Variants in DCTD observed in about 807,000 individuals in gnomAD.
DCTD encodes the protein dCMP deaminase.
DCTD carries 23 observed loss-of-function variants against 21.0 expected under a neutral mutation model. The observed-to-expected ratio is 1.09, with a 90% CI of 0.79 to 1.55. The LOEUF (loss-of-function observed/expected upper bound fraction) is 1.55. Among genes scored for constraint, DCTD ranks in the 40% most tolerant of loss-of-function variants. DCTD has a pLI of 0.00. For synonymous variants in DCTD, 71 were observed against 81.1 expected, an observed-to-expected ratio of 0.88 and a Z score of 0.67; for missense variants, 224 against 230.0, an observed-to-expected ratio of 0.97 and a Z score of 0.17.
At chr4:182,915,164 T>C (rs1028943980) in intron 2 of DCTD, 106 bp from the exon 3 acceptor site, 90 of 1,416,430 alleles carry the variant, frequency 6.4e-5, no homozygotes, top group Non-Finnish European at 8.5e-5. Context: ...AACAGACGCA[T>C]AGCTGCTGCA....
chr4:182,911,966 A>G (rs1737762126), intron 3 of DCTD, among the ~76,000 whole-genome samples: 1 of 152,136 alleles, frequency 6.6e-6, no homozygotes, highest in Admixed American at 6.6e-5. Context: ...GTTAAAAATC[A>G]TTGTCCAGAA....
chr4:182,906,113 C>T (rs1736674753), intron 3 of DCTD, among the ~76,000 whole-genome samples: 2 of 152,016 alleles, frequency 1.3e-5, no homozygotes, highest in African/African-American at 4.8e-5. Flanking sequence ...CCACTCTTGC[C>T]CCAGAACAAT....
chr4:182,900,028 T>G (rs1293070951), intron 3 of DCTD, among the ~76,000 whole-genome samples: 1 of 152,150 alleles, frequency 6.6e-6, no homozygotes, highest in Non-Finnish European at 1.5e-5. Context: ...AGGTTTCAGA[T>G]TTTGGGCCAG....
intron 2 of DCTD, 32 bp from the exon 3 acceptor site, chr4:182,915,090 C>A: frequency 6.2e-7 from 1 of 1,613,870 alleles, no homozygotes; most frequent in Non-Finnish European, 8.5e-7. Flanking sequence ...GGCTTGGTGC[C>A]TGCAACTGGC....
chr4:182,893,933 A>T (rs1734269348), intron 4 of DCTD, among the ~76,000 whole-genome samples: 1 of 152,276 alleles, frequency 6.6e-6, no homozygotes, highest in South Asian at 2.1e-4. Flanking sequence ...GACAAAGTGT[A>T]GCTGAATCTT....
At chr4:182,915,982 T>A in intron 1 of DCTD, 1 of 605,092 alleles carries the variant, frequency 1.7e-6, no homozygotes, top group Non-Finnish European at 2.1e-6. Flanking sequence ...TTTATACACA[T>A]CATGTCACTC....
intron 3 of DCTD, among the ~76,000 whole-genome samples, chr4:182,905,205 C>T (rs1036832264): frequency 6.6e-6 from 1 of 152,072 alleles, no homozygotes; most frequent in African/African-American, 2.4e-5. Context: ...TCCGCTGAAA[C>T]TGTACTTGGC....
chr4:182,891,367 C>G lies in DCTD; in HGVS notation c.*32G>C, dbSNP rs1473975520. On this transcript the variant is annotated 3_prime_UTR_variant, in exon 6 of 6. Coordinates refer to ENST00000438320, the MANE Select transcript of DCTD (RefSeq NM_001921.3). Reference sequence around the variant, plus strand: ...TAGCAACCTCTTAGAAGACGATAATCCCAATCTTCTGGAGATTGAATGAGA... The same window carrying G: ...TAGCAACCTCTTAGAAGACGATAATGCCAATCTTCTGGAGATTGAATGAGA... 6.8e-7 allele frequency: 1 copy of G among 1,480,054 alleles called. No individual in the cohort carries two copies. Among genetic ancestry groups the G allele is most frequent in the South Asian group, 1.1e-5 (1 of 88,154 alleles). 91.7% of individuals were successfully genotyped at this position (1,480,054 alleles called of 1,614,324 possible).
chr4:182,917,179 G>A lies in DCTD; in HGVS notation c.-8+132C>T, dbSNP rs1738889639. ...GATCTAAAGGCTGAGCGCGGCCGAG[G>A]CGCCCCCAGCGTCCGCGGCCCCAGG... On this transcript the variant is annotated intron_variant, in intron 1 of 5. Transcript: ENST00000438320. The surrounding 1 kb of genome is among the most constrained non-coding windows in gnomAD (Gnocchi z 4.9). The A allele has an allele frequency of 2.0e-6, 2 of 990,396 alleles. No homozygotes were observed. The highest frequency in any genetic ancestry group is 4.6e-5 in the South Asian group (1 of 21,720). The allele number at this position is 990,396 out of a possible 1,614,324, so 61.4% of individuals were successfully genotyped here.
At chr4:182,895,304 T>G (rs1304710939) in intron 3 of DCTD, among the ~76,000 whole-genome samples, 1 of 152,132 alleles carries the variant, frequency 6.6e-6, no homozygotes, top group African/African-American at 2.4e-5. Context: ...ATCCTGGCCG[T>G]AAGTGATCTT....
intron 2 of DCTD, 45 bp from the exon 3 acceptor site, chr4:182,915,103 G>T: frequency 6.2e-7 from 1 of 1,613,436 alleles, no homozygotes. Context: ...CAACTGGCTG[G>T]TCTGCCGCTG....
intron 3 of DCTD, among the ~76,000 whole-genome samples, chr4:182,900,038 G>A (rs1338402027): frequency 6.6e-6 from 1 of 152,180 alleles, no homozygotes; most frequent in Non-Finnish European, 1.5e-5. Flanking sequence ...TTTTGGGCCA[G>A]GTGCAGTAGT....
chr4:182,897,631 T>C (rs1734975878), intron 3 of DCTD, among the ~76,000 whole-genome samples: 1 of 152,052 alleles, frequency 6.6e-6, no homozygotes, highest in African/African-American at 2.4e-5. Context: ...AAGTGGACAC[T>C]GACAAGCAGG....
chr4:182,913,216 CA>C (rs1387944746), intron 3 of DCTD, among the ~76,000 whole-genome samples: 2 of 152,208 alleles, frequency 1.3e-5, no homozygotes, highest in Non-Finnish European at 2.9e-5. Context: ...ATTAGTCATC[CA>C]CTACCACCGG....
At chr4:182,912,819 G>C (rs1273472148) in intron 3 of DCTD, among the ~76,000 whole-genome samples, 1 of 152,170 alleles carries the variant, frequency 6.6e-6, no homozygotes, top group Middle Eastern at 3.2e-3. Context: ...GGTGACTGAA[G>C]AAGGCACAGG....
intron 3 of DCTD, among the ~76,000 whole-genome samples, chr4:182,910,347 A>C (rs111253767): frequency 1.3e-5 from 2 of 152,204 alleles, no homozygotes; most frequent in Non-Finnish European, 2.9e-5. Flanking sequence ...TAATTTGTAA[A>C]CTATATCATC....
At chr4:182,915,733 T>TG in intron 1 of DCTD, 158 bp from the exon 2 acceptor site, 1 of 722,388 alleles carries the variant, frequency 1.4e-6, no homozygotes, top group East Asian at 2.7e-5. Context: ...CCCTAAACAG[T>TG]CTCTGGTCTT....
At chr4:182,891,862 A>C (rs1262178686) in intron 5 of DCTD, among the ~76,000 whole-genome samples, 3 of 152,020 alleles carry the variant, frequency 2.0e-5, no homozygotes, top group African/African-American at 7.2e-5. Context: ...AAAAATAGTA[A>C]ATTTTCTTTT....
At chr4:182,915,168 T>C (rs1738496616) in intron 2 of DCTD, 110 bp from the exon 3 acceptor site, 1 of 1,363,256 alleles carries the variant, frequency 7.3e-7, no homozygotes, top group African/African-American at 1.4e-5. Flanking sequence ...GACGCATAGC[T>C]GCTGCAGGTG....
Sources: allele counts gnomAD v4.1 joint callset (sites outside exome capture counted in the v4.1 genomes callset), GRCh38; gene constraint gnomAD v4.1.1; non-coding constraint Gnocchi (gnomAD v3.1); transcripts MANE v1.5; gene names NCBI Gene and HGNC (gene_info 2026-07-23, HGNC 2026-07-21).